The following EPM2A variants were observed in gnomAD, a reference collection of about 807,000 sequenced individuals.
EPM2A encodes EPM2A glucan phosphatase, laforin.
Under a neutral mutation model 26.5 loss-of-function variants are expected in EPM2A, and 21 were observed. The ratio of observed to expected loss-of-function variants is 0.79; its 90% confidence interval spans 0.56 to 1.14. EPM2A has a LOEUF of 1.14. Ranked by LOEUF, EPM2A falls within the 50% of genes most tolerant of loss-of-function variation. The pLI, the probability that EPM2A is intolerant of heterozygous loss-of-function variation, is 0.00. For missense variants in EPM2A, 458 were observed against 440.8 expected, an observed-to-expected ratio of 1.04 and a Z score of -0.35; for synonymous variants, 217 against 177.6, an observed-to-expected ratio of 1.22 and a Z score of -1.76.
intron 4 of EPM2A, among the ~76,000 whole-genome samples, chr6:145,477,556 G>A (rs2114730523): frequency 6.6e-6 from 1 of 151,924 alleles, no homozygotes. Context: ...TCCAAATTCA[G>A]TAATACATTA....
downstream of EPM2A, among the ~76,000 whole-genome samples, chr6:145,623,050 G>A (rs1775670936): frequency 6.6e-6 from 1 of 152,150 alleles, no homozygotes; most frequent in Non-Finnish European, 1.5e-5. Context: ...TACATGTGAA[G>A]CACTTAGACA....
At chr6:145,437,245 A>G (rs1228219526) in intron 4 of EPM2A, among the ~76,000 whole-genome samples, 1 of 152,036 alleles carries the variant, frequency 6.6e-6, no homozygotes, top group African/African-American at 2.4e-5. Context: ...CTCCATGTGA[A>G]GAAGGTGCTT....
Position 145,466,470 on chromosome 6 carries a change from A to G in EPM2A, c.555+36052T>C, listed in dbSNP as rs541580345. ...ACCATTTCACACCAGTTAGAATGGC[A>G]ATCATTAAAAAGTCAGGAAACAACA... On this transcript the variant is annotated intron_variant, in intron 4 of 4. Coordinates refer to the EPM2A transcript ENST00000638717. 1.6e-3 allele frequency among the ~76,000 whole-genome samples: 236 copies of G among 152,224 alleles called. 3 individuals are homozygous for G. Among genetic ancestry groups the G allele is most frequent in the African/African-American group, 5.0e-3 (207 of 41,526 alleles).
chr6:145,457,505 G>C (rs28693068), intron 4 of EPM2A, among the ~76,000 whole-genome samples: 1 of 148,862 alleles, frequency 6.7e-6, no homozygotes, highest in Non-Finnish European at 1.5e-5. Flanking sequence ...AAAAGAAAAA[G>C]AAAAAAATAT....
chr6:145,412,620 G>A (rs1007537102), intron 4 of EPM2A, among the ~76,000 whole-genome samples: 1 of 152,070 alleles, frequency 6.6e-6, no homozygotes, highest in Non-Finnish European at 1.5e-5. Context: ...TAAAGTATGG[G>A]GATCTTTTCA....
chr6:145,567,794 A>G (rs1780903348), intron 2 of EPM2A, among the ~76,000 whole-genome samples: 1 of 152,168 alleles, frequency 6.6e-6, no homozygotes, highest in Non-Finnish European at 1.5e-5. Flanking sequence ...TCACATTCTG[A>G]TCATGCAGAG....
chr6:145,557,907 C>A (rs922566902), intron 2 of EPM2A, among the ~76,000 whole-genome samples: 6 of 152,064 alleles, frequency 3.9e-5, no homozygotes, highest in African/African-American at 1.4e-4. Flanking sequence ...CTCCAGCCCC[C>A]GGTAACCAGC....
intron 2 of EPM2A, among the ~76,000 whole-genome samples, chr6:145,598,537 TTC>T (rs1157482788): frequency 2.0e-5 from 3 of 152,192 alleles, no homozygotes; most frequent in African/African-American, 7.2e-5. Flanking sequence ...TGCAAATATT[TTC>T]TCTCATTCTC....
At position 145,397,951 on chromosome 6, in the gene EPM2A, T is replaced by C. The variant is rs537197395; in HGVS notation, c.556-13854A>G. Among the ~76,000 whole-genome samples, 5 of 152,314 alleles carry C rather than the reference T, an allele frequency of 3.3e-5. No individual in the cohort carries two copies. The South Asian group carries it at 1.0e-3, about 32-fold the overall frequency. Reference sequence around the variant, plus strand: ...AGGCCTGTACTGAGATGAATTTTTATACTCTCCTTGTATTGGTTATCACAT... The same window carrying C: ...AGGCCTGTACTGAGATGAATTTTTACACTCTCCTTGTATTGGTTATCACAT... On this transcript the variant is annotated intron_variant, in intron 4 of 4. Transcript: ENST00000638717.
chr6:145,517,455 G>A (rs897387519), intron 2 of EPM2A, among the ~76,000 whole-genome samples: 1 of 152,126 alleles, frequency 6.6e-6, no homozygotes, highest in East Asian at 1.9e-4. Flanking sequence ...CCATGCTTGG[G>A]GGCTTCCCAA....
intron 4 of EPM2A, among the ~76,000 whole-genome samples, chr6:145,471,671 G>A (rs753988199): frequency 6.6e-5 from 10 of 152,142 alleles, no homozygotes; most frequent in Non-Finnish European, 8.8e-5. Context: ...CAGACAAAGT[G>A]AGCTGATGAC....
At chr6:145,446,066 A>C (rs564702771) in intron 4 of EPM2A, among the ~76,000 whole-genome samples, 129 of 152,322 alleles carry the variant, frequency 8.5e-4, no homozygotes, top group Non-Finnish European at 1.4e-3. Flanking sequence ...GCCCAAGCTG[A>C]GCCACAAGCC....
At chr6:145,415,450 CA>C (rs1179905228) in intron 4 of EPM2A, among the ~76,000 whole-genome samples, 1 of 152,200 alleles carries the variant, frequency 6.6e-6, no homozygotes, top group Non-Finnish European at 1.5e-5. Flanking sequence ...CCTGAACGTG[CA>C]CATAGGATAG....
At position 145,559,997 on chromosome 6, in the gene EPM2A, G is replaced by A. The variant is rs577665441; in HGVS notation, c.341-57422C>T. 5.3e-5 allele frequency among the ~76,000 whole-genome samples: 8 copies of A among 152,172 alleles called. No individual in the cohort carries two copies. In the South Asian group the frequency reaches 1.7e-3, roughly 32 times the overall value. On this transcript the variant is annotated intron_variant, in intron 2 of 3. Coordinates refer to the EPM2A transcript ENST00000450221. ...ACAGGTACCATAAGCCGTTGAAGTT[G>A]AACATGCAATAATAACAGGAAGGCA...
At chr6:145,729,635 T>C (rs995667523) in intron 1 of EPM2A, among the ~76,000 whole-genome samples, 13 of 152,150 alleles carry the variant, frequency 8.5e-5, no homozygotes, top group African/African-American at 2.7e-4. Flanking sequence ...ACCCCCATTG[T>C]ATCTTGGAAG....
At chr6:145,455,256 T>A (rs529536582) in intron 4 of EPM2A, among the ~76,000 whole-genome samples, 97 of 152,052 alleles carry the variant, frequency 6.4e-4, no homozygotes, top group African/African-American at 2.3e-3. Flanking sequence ...TATGAATTTA[T>A]ATATTCATAA....
chr6:145,585,890 G>A (rs773262399), intron 2 of EPM2A, among the ~76,000 whole-genome samples: 16 of 152,210 alleles, frequency 1.1e-4, no homozygotes, highest in South Asian at 4.1e-4. Context: ...ACCCTTCTAC[G>A]TATTTATCCA....
chr6:145,541,006 A>G (rs776857046), intron 2 of EPM2A, among the ~76,000 whole-genome samples: 3 of 152,134 alleles, frequency 2.0e-5, no homozygotes, highest in Admixed American at 6.6e-5. Flanking sequence ...GTATGTGAGG[A>G]TGCAATACTC....
intron 2 of EPM2A, among the ~76,000 whole-genome samples, chr6:145,545,721 G>C (rs1780574130): frequency 6.6e-6 from 1 of 152,074 alleles, no homozygotes; most frequent in African/African-American, 2.4e-5. Context: ...CCCGAGCTGA[G>C]CTGCTCATTG....
Sources: allele counts gnomAD v4.1 joint callset (sites outside exome capture counted in the v4.1 genomes callset), GRCh38; gene constraint gnomAD v4.1.1; transcripts MANE v1.5; gene names NCBI Gene and HGNC (gene_info 2026-07-23, HGNC 2026-07-21).